Variants in LRBA observed in about 807,000 individuals in gnomAD.
The protein encoded by LRBA is LPS responsive beige-like anchor protein.
Under a neutral mutation model 330.0 loss-of-function variants are expected in LRBA, and 176 were observed. That is an observed-to-expected ratio of 0.53 (90% CI 0.47 to 0.60). The LOEUF (loss-of-function observed/expected upper bound fraction) is 0.60, where lower values mean the gene tolerates loss of function less well. Among genes scored for constraint, LRBA ranks in the 20% least tolerant of loss-of-function variants. LRBA has a pLI of 0.00. For synonymous variants in LRBA, 1,230 were observed against 1,193.0 expected, an observed-to-expected ratio of 1.03 and a Z score of -0.64; for missense variants, 3,259 against 3,444.8, an observed-to-expected ratio of 0.95 and a Z score of 1.35.
intron 40 of LRBA, among the ~76,000 whole-genome samples, chr4:150,569,268 T>C (rs772750766): frequency 1.3e-5 from 2 of 152,146 alleles, no homozygotes; most frequent in Non-Finnish European, 2.9e-5. Flanking sequence ...TTGTGTTAGA[T>C]TAGTGACCTA....
At chr4:150,302,353 T>C (rs1025898631) in intron 53 of LRBA, among the ~76,000 whole-genome samples, 6 of 152,200 alleles carry the variant, frequency 3.9e-5, no homozygotes, top group Non-Finnish European at 7.3e-5. Context: ...AAAACTACTT[T>C]ATTTGGTGAC....
chr4:150,774,888 C>T (rs2126551222), intron 34 of LRBA, among the ~76,000 whole-genome samples: 1 of 152,282 alleles, frequency 6.6e-6, no homozygotes, highest in Admixed American at 6.5e-5. Flanking sequence ...TAGAACTTTT[C>T]TGCGTATACA....
intron 2 of LRBA, among the ~76,000 whole-genome samples, chr4:150,941,102 G>C (rs941526073): frequency 6.6e-6 from 1 of 151,978 alleles, no homozygotes; most frequent in Non-Finnish European, 1.5e-5. Context: ...TCTCTAGGTT[G>C]AATTAGGTAT....
intron 47 of LRBA, among the ~76,000 whole-genome samples, chr4:150,401,969 A>C (rs1328360802): frequency 6.6e-6 from 1 of 152,042 alleles, no homozygotes. Context: ...GGAGGGAAAA[A>C]GGTTAACAAT....
intron 40 of LRBA, among the ~76,000 whole-genome samples, chr4:150,528,227 A>G (rs974133161): frequency 6.6e-6 from 1 of 152,078 alleles, no homozygotes; most frequent in Non-Finnish European, 1.5e-5. Flanking sequence ...ATATGATGAT[A>G]AAGAATGATA....
chr4:150,333,897 A>G (rs951392751), intron 48 of LRBA, among the ~76,000 whole-genome samples: 1 of 152,216 alleles, frequency 6.6e-6, no homozygotes, highest in African/African-American at 2.4e-5. Flanking sequence ...ACCCATAGCA[A>G]GTAAATATAT....
At chr4:150,306,639 AAC>A (rs1378157184) in intron 52 of LRBA, among the ~76,000 whole-genome samples, 1 of 114,094 alleles carries the variant, frequency 8.8e-6, no homozygotes, top group Non-Finnish European at 1.9e-5. Context: ...TATACACACA[AAC>A]ACACACATTT....
intron 47 of LRBA, among the ~76,000 whole-genome samples, chr4:150,354,084 G>A (rs1737512180): frequency 6.6e-6 from 1 of 151,938 alleles, no homozygotes; most frequent in Non-Finnish European, 1.5e-5. Context: ...GGAGAGAGAA[G>A]GACAGGCAGG....
At chr4:150,658,523 C>CCACGG (rs1780484827) in intron 37 of LRBA, among the ~76,000 whole-genome samples, 1 of 68 alleles carries the variant, frequency 0.015, no homozygotes, top group African/African-American at 0.036. Flanking sequence ...CTCCCTCTCC[C>CCACGG]TCTCCCTCTC....
rs534216694 is a variant in LRBA at position 150,864,253 on chromosome 4, A to G, written c.2766+3418T>C. Among the ~76,000 whole-genome samples the G allele has an allele frequency of 1.8e-4, 28 of 152,108 alleles. No individual in the cohort carries two copies. In the South Asian group the frequency reaches 5.4e-3, roughly 29 times the overall value. On this transcript the variant is annotated intron_variant, in intron 22 of 56. Transcript: ENST00000651943. The stretch of plus-strand genomic sequence containing the variant: ...GCCCGGGCAACACTTTACATTCTTA[A>G]AAAGTATTAAGGTCCCCAAAGACTC...
chr4:150,658,436 T>G (rs1484213820), intron 37 of LRBA, among the ~76,000 whole-genome samples: 1 of 149,516 alleles, frequency 6.7e-6, no homozygotes, highest in Non-Finnish European at 1.5e-5. Context: ...CAAGTTATCA[T>G]AATACTTAGC....
chr4:150,803,667 A>G (rs1441427720), intron 33 of LRBA, among the ~76,000 whole-genome samples: 1 of 152,184 alleles, frequency 6.6e-6, no homozygotes, highest in East Asian at 1.9e-4. Flanking sequence ...TTTCTGTTTT[A>G]CAGTACATGA....
intron 38 of LRBA, among the ~76,000 whole-genome samples, chr4:150,598,786 G>A (rs1773790454): frequency 6.6e-6 from 1 of 152,144 alleles, no homozygotes; most frequent in Admixed American, 6.5e-5. Flanking sequence ...TCTATGTTAA[G>A]TAAGTTTTGT....
intron 47 of LRBA, among the ~76,000 whole-genome samples, chr4:150,411,585 T>A (rs890314142): frequency 6.6e-6 from 1 of 152,142 alleles, no homozygotes; most frequent in African/African-American, 2.4e-5. Flanking sequence ...CAACACTATA[T>A]CCCTGTTCAA....
intron 47 of LRBA, among the ~76,000 whole-genome samples, chr4:150,374,083 C>T (rs1364511091): frequency 1.3e-5 from 2 of 152,144 alleles, no homozygotes; most frequent in African/African-American, 4.8e-5. Flanking sequence ...ATCTTCACTC[C>T]TTCACTCAAT....
chr4:150,386,661 C>T (rs1343912026), intron 47 of LRBA, among the ~76,000 whole-genome samples: 1 of 152,160 alleles, frequency 6.6e-6, no homozygotes, highest in African/African-American at 2.4e-5. Context: ...TTTATCCAGT[C>T]TATCAGTGAT....
In LRBA at chr4:150,872,490, A is replaced by T. The variant is rs62344571; in HGVS notation, c.2258+173T>A. Among the ~76,000 whole-genome samples, 12,680 of 152,236 alleles carry T rather than the reference A, an allele frequency of 0.083. 904 individuals carry two copies. Among genetic ancestry groups the T allele is most frequent in the African/African-American group, 0.2 (8,325 of 41,520 alleles). On this transcript the variant is annotated intron_variant, in intron 18 of 56. Transcript: ENST00000651943. ...AATAATTTTATGTACAAAAAAATTA[A>T]TCCTGTTCACTTAATTTTTAAAATA...
intron 47 of LRBA, among the ~76,000 whole-genome samples, chr4:150,384,624 GGC>G (rs1742785459): frequency 6.6e-6 from 1 of 152,072 alleles, no homozygotes; most frequent in African/African-American, 2.4e-5. Context: ...CGATGAGAAG[GGC>G]ATTTTGTATC....
intron 40 of LRBA, among the ~76,000 whole-genome samples, chr4:150,522,322 A>G (rs893681527): frequency 6.6e-6 from 1 of 152,218 alleles, no homozygotes; most frequent in African/African-American, 2.4e-5. Flanking sequence ...CAAATTCACT[A>G]AAAGAGAAAT....
Sources: gnomAD v4.1 joint callset for allele counts (sites outside exome capture counted in the v4.1 genomes callset) on GRCh38, gnomAD v4.1.1 for gene constraint, MANE v1.5 for transcripts, NCBI Gene and HGNC (gene_info 2026-07-23, HGNC 2026-07-21) for gene names.